SLC4A8: variants seen among roughly 807,000 people sequenced by gnomAD.
SLC4A8 encodes the protein electroneutral sodium bicarbonate exchanger 1.
SLC4A8 carries 40 observed loss-of-function variants against 125.0 expected under a neutral mutation model. That is an observed-to-expected ratio of 0.32 (90% CI 0.25 to 0.42). The LOEUF is 0.42. Among genes scored for constraint, SLC4A8 ranks in the 10% least tolerant of loss-of-function variants. The pLI is 1.00. For missense variants in SLC4A8, 863 were observed against 1,355.1 expected, an observed-to-expected ratio of 0.64 and a Z score of 5.70; for synonymous variants, 456 against 476.0, an observed-to-expected ratio of 0.96 and a Z score of 0.55.
rs781029037 is a variant in SLC4A8 at position 51,457,402 on chromosome 12, G to A, written c.626G>A (p.Arg209Lys). The change falls in exon 6 of 25, where the codon AGG (arginine) becomes AAG (lysine). Residue 209 changes from arginine to lysine, a missense_variant. Physicochemically the swap from Arg to Lys is conservative, Grantham distance 26 (BLOSUM62 2). Around this residue, in one of 6 missense-constraint regions of SLC4A8, gnomAD observed 390 missense variants for 634.4 expected, o/e 0.61. Transcript: ENST00000453097. The stretch of plus-strand genomic sequence containing the variant: ...TCCAGTGACCTGAATGACAGCATGA[G>A]GGTTAAAGTGCGGGAAGCCCTTCTC... ...ELSSDLNDSM[R>K]VKVREALLKK... 3.7e-6 allele frequency: 6 copies of A among 1,614,010 alleles called. No homozygotes were observed. The highest frequency in any genetic ancestry group is 5.1e-6 in the Non-Finnish European group (6 of 1,179,922).
intron 2 of SLC4A8, among the ~76,000 whole-genome samples, chr12:51,447,236 C>T (rs546944620): frequency 6.6e-6 from 1 of 152,238 alleles, no homozygotes; most frequent in South Asian, 2.1e-4. Context: ...GTGCACACCA[C>T]CACACCTGTC....
Position 51,471,267 on chromosome 12 carries a change from G to T in SLC4A8, c.1659-20G>T. On this transcript the variant is annotated intron_variant, in intron 13 of 24. Coordinates refer to ENST00000453097, the MANE Select transcript of SLC4A8 (RefSeq NM_001039960.3). ...ATGCCATCCATCCATGCGTTCTGAT[G>T]AACTTTGGTCTTGTTTCAGAGACTA... The T allele has an allele frequency of 6.2e-7, 1 of 1,603,670 alleles. No homozygotes were observed. Among genetic ancestry groups the T allele is most frequent in the Non-Finnish European group, 8.5e-7 (1 of 1,177,354 alleles).
At chr12:51,393,296 T>C (rs1948195713) in intron 1 of SLC4A8, among the ~76,000 whole-genome samples, 1 of 152,062 alleles carries the variant, frequency 6.6e-6, no homozygotes, top group African/African-American at 2.4e-5. Context: ...AGTTTCGCCA[T>C]GTTGCCCAGG....
chr12:51,486,703 A>G (rs1172784282), intron 17 of SLC4A8, among the ~76,000 whole-genome samples: 1 of 152,206 alleles, frequency 6.6e-6, no homozygotes, highest in Non-Finnish European at 1.5e-5. Flanking sequence ...GTTGGTGAGG[A>G]GAAGGCCGAC....
rs753970794 is a variant in SLC4A8, at chr12:51,463,616, G to A, written c.1251G>A (p.Glu417=). The A allele has an allele frequency of 6.2e-7, 1 of 1,612,226 alleles. No individual in the cohort carries two copies. The highest frequency in any genetic ancestry group is 1.3e-5 in the African/African-American group (1 of 74,990). The change falls in exon 11 of 25, where the codon GAG becomes GAA. Residue 417 remains glutamate (E), a splice_region_variant and synonymous_variant. Coordinates refer to ENST00000453097, the MANE Select transcript of SLC4A8 (RefSeq NM_001039960.3). ...ATTTTGTGGTCTTCTGTTAAAAGGA[G>A]AAAAGGAAAATGCCTGGAGTTCCAA... ...IEPPKNVPSQ[E]KRKMPGVPNG...
chr12:51,471,606 G>A, intron 14 of SLC4A8, 74 bp downstream of exon 14: 1 of 1,513,800 alleles, frequency 6.6e-7, no homozygotes, highest in East Asian at 2.3e-5. Context: ...AGAGTGCTAG[G>A]CAGTGCTTAC....
At chr12:51,453,328 TA>T (rs1365280275) in intron 4 of SLC4A8, among the ~76,000 whole-genome samples, 1 of 152,222 alleles carries the variant, frequency 6.6e-6, no homozygotes, top group African/African-American at 2.4e-5. Context: ...GAATTTTCTT[TA>T]AATAAGAATG....
At chr12:51,471,679 T>C in intron 14 of SLC4A8, 147 bp downstream of exon 14, 5 of 842,782 alleles carry the variant, frequency 5.9e-6, no homozygotes, top group South Asian at 1.8e-5. Flanking sequence ...ACAAGGAGTA[T>C]TGGAGGGCTG....
Position 51,397,075 on chromosome 12 carries a change from G to A in SLC4A8, c.-112+5587G>A, listed in dbSNP as rs1311673946. On this transcript the variant is annotated intron_variant, in intron 1 of 24. Coordinates refer to the SLC4A8 transcript ENST00000358657. Reference sequence around the variant, plus strand: ...CTCCCGAGTAGCTGGGATTACAGGTGTGTGCCACCACACCCGGCTAATTTT... The same window carrying A: ...CTCCCGAGTAGCTGGGATTACAGGTATGTGCCACCACACCCGGCTAATTTT... Among the ~76,000 whole-genome samples, 401 of 151,998 alleles carry A rather than the reference G, an allele frequency of 2.6e-3. 1 individual carries two copies. The highest frequency in any genetic ancestry group is 9.3e-3 in the African/African-American group (384 of 41,446).
At chr12:51,476,617 A>T (rs1950861960) in intron 16 of SLC4A8, among the ~76,000 whole-genome samples, 1 of 152,232 alleles carries the variant, frequency 6.6e-6, no homozygotes, top group Admixed American at 6.5e-5. Context: ...GATAATATAA[A>T]AAAGGGTGTT....
At chr12:51,427,163 C>T (rs1319867904) in intron 1 of SLC4A8, among the ~76,000 whole-genome samples, 2 of 152,190 alleles carry the variant, frequency 1.3e-5, no homozygotes, top group East Asian at 3.9e-4. Flanking sequence ...TGGTCTTGAT[C>T]TCCTGACCTC....
Position 51,504,097 on chromosome 12 carries a change from T to C in SLC4A8, c.3150T>C (p.Ser1050=). 1 of 1,582,202 alleles carries C rather than the reference T, an allele frequency of 6.3e-7. No individual in the cohort carries two copies. Among genetic ancestry groups the C allele is most frequent in the South Asian group, 1.2e-5 (1 of 86,092 alleles). Residue 1050 remains serine, a synonymous_variant, in exon 23 of 25, where the codon AGT becomes AGC. Transcript: ENST00000453097. ...TAGAGAGCAGGAAGTTACTAAGTAG[T>C]CCTGGAAAGAACATCAGTTGCAGGT... ...FPLESRKLLS[S]PGKNISCRCD...
intron 1 of SLC4A8, among the ~76,000 whole-genome samples, chr12:51,415,051 G>T (rs1040716306): frequency 6.6e-6 from 1 of 152,040 alleles, no homozygotes; most frequent in Non-Finnish European, 1.5e-5. Context: ...TGTTGGACTT[G>T]GTTTGATTTT....
intron 19 of SLC4A8, among the ~76,000 whole-genome samples, chr12:51,493,373 G>GAGGGGT (rs1213119528): frequency 6.6e-6 from 1 of 152,004 alleles, no homozygotes; most frequent in Non-Finnish European, 1.5e-5. Context: ...TTCTATAAGA[G>GAGGGGT]AGGGGTGCGT....
intron 5 of SLC4A8, 127 bp from the exon 6 acceptor site, chr12:51,457,224 C>T (rs1592215694): frequency 5.3e-6 from 3 of 567,574 alleles, no homozygotes; most frequent in East Asian, 5.9e-5. Flanking sequence ...GCTGAAATTG[C>T]ACCTCAATGA....
At chr12:51,419,469 G>C (rs1367466465) in intron 1 of SLC4A8, among the ~76,000 whole-genome samples, 1 of 152,190 alleles carries the variant, frequency 6.6e-6, no homozygotes, top group Non-Finnish European at 1.5e-5. Flanking sequence ...GGTTTGGTTA[G>C]ACATGGATAA....
intron 11 of SLC4A8, among the ~76,000 whole-genome samples, chr12:51,465,451 C>T (rs1001767843): frequency 1.3e-5 from 2 of 152,134 alleles, no homozygotes; most frequent in African/African-American, 4.8e-5. Flanking sequence ...TATATTGGAT[C>T]TCAACAGTTA....
chr12:51,400,355 T>C (rs1437994948), intron 1 of SLC4A8, among the ~76,000 whole-genome samples: 1 of 152,164 alleles, frequency 6.6e-6, no homozygotes, highest in Non-Finnish European at 1.5e-5. Context: ...TCGAAGACCT[T>C]TAAATCCCCC....
chr12:51,417,254 C>A (rs1948702504), intron 1 of SLC4A8, among the ~76,000 whole-genome samples: 1 of 152,204 alleles, frequency 6.6e-6, no homozygotes, highest in South Asian at 2.1e-4. Context: ...CAGCTCGCTG[C>A]AGCCTCGACC....
Sources: gnomAD v4.1 joint callset for allele counts (sites outside exome capture counted in the v4.1 genomes callset) on GRCh38, gnomAD v4.1.1 for gene constraint, gnomAD v4.1.1 regional missense constraint, MANE v1.5 for transcripts, NCBI Gene and HGNC (gene_info 2026-07-23, HGNC 2026-07-21) for gene names.